FOXP1: variants seen among roughly 807,000 people sequenced by gnomAD.
The protein encoded by FOXP1 is forkhead box protein P1.
In FOXP1, 15 loss-of-function variants were observed where a neutral mutation model predicts 98.2. The ratio of observed to expected loss-of-function variants is 0.15; its 90% confidence interval spans 0.10 to 0.24. The LOEUF (loss-of-function observed/expected upper bound fraction) is 0.24. FOXP1 is among the 10% of genes least tolerant of loss of function. The pLI is 1.00. For missense variants in FOXP1, 633 were observed against 848.5 expected (o/e 0.75, Z 3.15); for synonymous variants, 371 against 314.5 (o/e 1.18, Z -1.90).
chr3:71,164,260 C>T (rs955252011), intron 6 of FOXP1, among the ~76,000 whole-genome samples: 4 of 151,952 alleles, frequency 2.6e-5, no homozygotes, highest in Admixed American at 6.6e-5. Context: ...AGTGCAGTGG[C>T]GCAATCTCGG....
In FOXP1 at chr3:71,029,956, C is replaced by T. The variant is rs569916770; in HGVS notation, c.869+11372G>A. Among the ~76,000 whole-genome samples, 15 of 152,148 alleles carry T rather than the reference C, an allele frequency of 9.9e-5. No individual in the cohort carries two copies. In the East Asian group the frequency reaches 2.9e-3, roughly 29 times the overall value. On this transcript the variant is annotated intron_variant, in intron 11 of 20. Transcript: ENST00000649528. ...ACAATAAGTTAATATTTATTGAGGA[C>T]CTACTATGTGCTCAGCAACTAAAAC...
At position 70,958,350 on chromosome 3, in the gene FOXP1, G is replaced by T. The variant is rs1050024390; in HGVS notation, c.*897C>A. ...TCATTCATTCTCTTTCTGGCAGGAC[G>T]TCACGTCTGTGTGAGAGGGCCTTCA... On this transcript the variant is annotated 3_prime_UTR_variant, in exon 21 of 21. Coordinates refer to ENST00000649528, the MANE Select transcript of FOXP1 (RefSeq NM_001349338.3). 1.9e-6 allele frequency: 1 copy of T among 533,432 alleles called. No homozygotes were observed. Among genetic ancestry groups the T allele is most frequent in the Non-Finnish European group, 3.6e-6 (1 of 275,608 alleles). The allele number at this position is 533,432 out of a possible 1,614,324, so 33.0% of individuals were successfully genotyped here.
chr3:71,095,288 G>T (rs1473266689), intron 7 of FOXP1, among the ~76,000 whole-genome samples: 1 of 152,182 alleles, frequency 6.6e-6, no homozygotes, highest in Non-Finnish European at 1.5e-5. Context: ...TAGATGGTGG[G>T]TATCTGGGCC....
intron 2 of FOXP1, among the ~76,000 whole-genome samples, chr3:71,536,061 G>C (rs1303397203): frequency 6.6e-6 from 1 of 152,132 alleles, no homozygotes; most frequent in African/African-American, 2.4e-5. Context: ...AGTCTGCAGG[G>C]AGGGAGAGCA....
intron 5 of FOXP1, among the ~76,000 whole-genome samples, chr3:71,257,907 A>G (rs1312207024): frequency 1.3e-5 from 2 of 152,218 alleles, no homozygotes. Context: ...GGGGGTAACA[A>G]TCACAGCTAG....
Position 71,067,943 on chromosome 3 carries a change from A to AT in FOXP1, c.283-14171_283-14170insA, listed in dbSNP as rs542368614. Among the ~76,000 whole-genome samples, 931 of 150,770 alleles carry AT rather than the reference A, an allele frequency of 6.2e-3. 8 individuals carry two copies. The highest frequency in any genetic ancestry group is 0.053 in the East Asian group (273 of 5,108). On this transcript the variant is annotated intron_variant, in intron 7 of 20. Transcript: ENST00000649528. The stretch of plus-strand genomic sequence containing the variant: ...AAAATAAAAAATAAAATAAAAAAAA[A>AT]ATATATACTACAGGCTTCCAAGAGG...
intron 5 of FOXP1, among the ~76,000 whole-genome samples, chr3:71,202,949 C>T (rs1391689242): frequency 6.6e-6 from 1 of 152,182 alleles, no homozygotes; most frequent in Non-Finnish European, 1.5e-5. Context: ...GGAAGCTTGT[C>T]TCAGGCACCC....
chr3:71,379,987 T>C (rs2080019031), intron 3 of FOXP1, among the ~76,000 whole-genome samples: 1 of 152,146 alleles, frequency 6.6e-6, no homozygotes, highest in Non-Finnish European at 1.5e-5. Flanking sequence ...AGTGAGGGGA[T>C]TGCAGGGGAT....
chr3:71,389,238 C>T (rs1169488549), intron 3 of FOXP1, among the ~76,000 whole-genome samples: 2 of 3,562 alleles, frequency 5.6e-4, no homozygotes, highest in Non-Finnish European at 1.4e-3. Flanking sequence ...CTGTAAGCGG[C>T]GGGGGGGGGG....
chr3:71,022,757 G>T (rs1177264920), intron 11 of FOXP1, among the ~76,000 whole-genome samples: 1 of 152,098 alleles, frequency 6.6e-6, no homozygotes, highest in Non-Finnish European at 1.5e-5. Flanking sequence ...AAGCTGAAGA[G>T]AATCACACAA....
chr3:71,401,061 C>T (rs1011103393), intron 3 of FOXP1, among the ~76,000 whole-genome samples: 1 of 152,056 alleles, frequency 6.6e-6, no homozygotes, highest in Non-Finnish European at 1.5e-5. Flanking sequence ...CTCCTCCACC[C>T]CCACTCAAAA....
chr3:71,272,734 C>T (rs2107314324), intron 5 of FOXP1, among the ~76,000 whole-genome samples: 1 of 151,604 alleles, frequency 6.6e-6, no homozygotes, highest in African/African-American at 2.4e-5. Flanking sequence ...CTGTTCCTAA[C>T]TAACTGGGAG....
intron 5 of FOXP1, among the ~76,000 whole-genome samples, chr3:71,267,053 A>G (rs758800448): frequency 1.3e-5 from 2 of 152,056 alleles, no homozygotes; most frequent in African/African-American, 2.4e-5. Context: ...CATCACCTCA[A>G]TACATCAGAA....
intron 6 of FOXP1, among the ~76,000 whole-genome samples, chr3:71,120,145 G>T (rs530334270): frequency 3.9e-5 from 6 of 152,156 alleles, no homozygotes; most frequent in African/African-American, 1.4e-4. Context: ...CTTACAGGGG[G>T]TAATGACCAT....
At chr3:71,154,441 T>G (rs187318138) in intron 6 of FOXP1, among the ~76,000 whole-genome samples, 8 of 152,346 alleles carry the variant, frequency 5.3e-5, no homozygotes, top group African/African-American at 1.7e-4. Context: ...TTAAGCCTAC[T>G]GTATGAATTA....
intron 11 of FOXP1, among the ~76,000 whole-genome samples, chr3:71,033,540 A>G (rs2047150545): frequency 6.6e-6 from 1 of 151,070 alleles, no homozygotes; most frequent in Non-Finnish European, 1.5e-5. Context: ...GGTAAGGCAC[A>G]ACAGCTGTTA....
At chr3:71,135,797 G>T (rs1179109801) in intron 6 of FOXP1, among the ~76,000 whole-genome samples, 6 of 152,206 alleles carry the variant, frequency 3.9e-5, no homozygotes, top group African/African-American at 1.4e-4. Context: ...CCCAAGTCAA[G>T]TCAAAGCACC....
intron 11 of FOXP1, among the ~76,000 whole-genome samples, chr3:71,029,910 A>G (rs2046641755): frequency 6.6e-6 from 1 of 152,242 alleles, no homozygotes; most frequent in Non-Finnish European, 1.5e-5. Context: ...ATGAATGAAT[A>G]AATAGCTTTA....
intron 5 of FOXP1, among the ~76,000 whole-genome samples, chr3:71,235,860 C>T (rs747029400): frequency 2.6e-5 from 4 of 152,112 alleles, no homozygotes; most frequent in Non-Finnish European, 5.9e-5. Flanking sequence ...GCCACCGCAC[C>T]CGGCTAATAT....
Sources: gnomAD v4.1 joint callset for allele counts (sites outside exome capture counted in the v4.1 genomes callset) on GRCh38, gnomAD v4.1.1 for gene constraint, MANE v1.5 for transcripts, NCBI Gene and HGNC (gene_info 2026-07-23, HGNC 2026-07-21) for gene names.